The following DHRS2 variants were observed in gnomAD, a reference collection of about 807,000 sequenced individuals.
DHRS2 encodes dehydrogenase/reductase 2, also known as dehydrogenase/reductase SDR family member 2, mitochondrial.
DHRS2 carries 29 observed loss-of-function variants against 26.3 expected under a neutral mutation model. That is an observed-to-expected ratio of 1.10 (90% confidence interval 0.82 to 1.50). DHRS2 has a LOEUF of 1.50. DHRS2 is among the 40% of genes most tolerant of loss of function. The pLI is 0.00. For missense variants in DHRS2, 439 were observed against 367.1 expected, an observed-to-expected ratio of 1.20 and a Z score of -1.60; for synonymous variants, 164 against 151.3, an observed-to-expected ratio of 1.08 and a Z score of -0.62.
intron 7 of DHRS2, 139 bp downstream of exon 7, chr14:23,644,682 A>G: frequency 2.0e-6 from 3 of 1,487,634 alleles, no homozygotes; most frequent in Non-Finnish European, 1.9e-6. Flanking sequence ...GAACTCAGCC[A>G]TGGTGCAGTC....
chr14:23,640,870 G>A (rs1375690872), intron 4 of DHRS2: 1 of 152,226 alleles, frequency 6.6e-6, no homozygotes, highest in Non-Finnish European at 1.5e-5. Context: ...GCCTCCAAAG[G>A]ATCATTTGTG....
Position 23,644,997 on chromosome 14 carries a change from A to G in DHRS2, c.731+115A>G, listed in dbSNP as rs149910201. The G allele has an allele frequency of 2.9e-4, 458 of 1,558,076 alleles. 2 individuals are homozygous for G. In the African/African-American group the frequency reaches 5.7e-3, roughly 20 times the overall value. ...GGCCATTGTTTTTGCTGAAATCTGG[A>G]GTCCACATGGCCCTGGAGGGTGCAA... On this transcript the variant is annotated intron_variant, in intron 8 of 8. Coordinates refer to ENST00000250383, the MANE Select transcript of DHRS2 (RefSeq NM_005794.4).
At position 23,639,654 on chromosome 14, in the gene DHRS2, G is replaced by A. The variant is rs1890543529; in HGVS notation, c.319-140G>A. 5 of 976,044 alleles carry A rather than the reference G, an allele frequency of 5.1e-6. 1 individual carries two copies. In the South Asian group the frequency reaches 1.1e-4, roughly 21 times the overall value. 60.5% of individuals were successfully genotyped at this position (976,044 alleles called of 1,614,324 possible). On this transcript the variant is annotated intron_variant, in intron 3 of 8. Coordinates refer to ENST00000250383, the MANE Select transcript of DHRS2 (RefSeq NM_005794.4). ...TTCCTCTCTCAGTGCCTGGCCCCAGGAGCCTGCCCTTGGGACACCTAGGTC... is the reference window on the plus strand; with the variant it reads ...TTCCTCTCTCAGTGCCTGGCCCCAGAAGCCTGCCCTTGGGACACCTAGGTC...
rs1292037461 is a variant in DHRS2, at chr14:23,644,169, G to A, written c.540+7G>A. The A allele has an allele frequency of 6.2e-7, 1 of 1,614,132 alleles. No homozygotes were observed. Among genetic ancestry groups the A allele is most frequent in the East Asian group, 2.2e-5 (1 of 44,870 alleles). Reference sequence around the variant, plus strand: ...AGCTTATAATCCAGTAGTGGTAAGTGCTTGGTCCTTGTGCTCCTGAGTGGT... The same window carrying A: ...AGCTTATAATCCAGTAGTGGTAAGTACTTGGTCCTTGTGCTCCTGAGTGGT... On this transcript the variant is annotated splice_region_variant and intron_variant, in intron 6 of 8. Coordinates refer to ENST00000250383, the MANE Select transcript of DHRS2 (RefSeq NM_005794.4).
Position 23,640,138 on chromosome 14 carries a change from T to C in DHRS2, c.420+243T>C, listed in dbSNP as rs189027686. 5 of 714,220 alleles carry C rather than the reference T, an allele frequency of 7.0e-6. No homozygotes were observed. In the Admixed American group the frequency reaches 1.5e-4, roughly 21 times the overall value. 44.2% of individuals were successfully genotyped at this position (714,220 alleles called of 1,614,324 possible). ...TTTGTTTTCTCTTCTCATCACTTTT[T>C]CATTTAATCATTCAGCAGGTATTTA... On this transcript the variant is annotated intron_variant, in intron 4 of 8. Coordinates refer to ENST00000250383, the MANE Select transcript of DHRS2 (RefSeq NM_005794.4).
At chr14:23,639,415 C>G (rs984805511) in intron 3 of DHRS2, 59 bp downstream of exon 3, 5 of 1,493,758 alleles carry the variant, frequency 3.3e-6, no homozygotes, top group Non-Finnish European at 3.6e-6. Flanking sequence ...CTTTCCTTCA[C>G]TGCTTGGCCC....
chr14:23,640,577 C>G, intron 4 of DHRS2: 1 of 323,214 alleles, frequency 3.1e-6, no homozygotes, highest in Non-Finnish European at 4.5e-6. Flanking sequence ...GTTCTCTCTG[C>G]CAGAATGCGT....
upstream of DHRS2, among the ~76,000 whole-genome samples, chr14:23,634,197 A>G (rs1890202957): frequency 6.6e-6 from 1 of 150,406 alleles, no homozygotes; most frequent in South Asian, 2.1e-4. Context: ...TCTCCCAAGT[A>G]GCTGGGACTA....
chr14:23,640,919 C>T (rs1890630343), intron 4 of DHRS2: 1 of 152,272 alleles, frequency 6.6e-6, no homozygotes, highest in Non-Finnish European at 1.5e-5. Context: ...AGTCTCCTAA[C>T]CCTCCTGAAT....
Position 23,644,458 on chromosome 14 carries a change from G to A in DHRS2, c.590G>A (p.Arg197Lys). 1 of 1,614,214 alleles carries A rather than the reference G, an allele frequency of 6.2e-7. No homozygotes were observed. Among genetic ancestry groups the A allele is most frequent in the Non-Finnish European group, 8.5e-7 (1 of 1,180,038 alleles). The change falls in exon 7 of 9, where the codon AGA (arginine) becomes AAA (lysine). Residue 197 changes from arginine to lysine, a missense_variant. Physicochemically the swap from Arg to Lys is conservative, Grantham distance 26. Coordinates refer to ENST00000250383, the MANE Select transcript of DHRS2 (RefSeq NM_005794.4). ...VSKTALLGLT[R>K]TLALELAPKD... The stretch of plus-strand genomic sequence containing the variant: ...AAGACAGCGCTGCTGGGTCTCACTA[G>A]AACACTGGCATTGGAGCTGGCCCCC...
rs745644304 is a variant in DHRS2, at chr14:23,644,416, G to T, written c.548G>T (p.Gly183Val). The stretch of plus-strand genomic sequence containing the variant: ...TGTCAATTCCCTTCCCAGGCGCTGG[G>T]TGTCTACAATGTCAGCAAGACAGCG... ...IAAYNPVVALGVYNVSKTALL... is the reference protein window; with the variant it reads ...IAAYNPVVALVVYNVSKTALL... Residue 183 changes from glycine (G) to valine (V), a missense_variant, in exon 7 of 9, where the codon GGT (glycine) becomes GTT (valine). Physicochemically the swap from Gly to Val is moderately radical, Grantham distance 109. Coordinates refer to ENST00000250383, the MANE Select transcript of DHRS2 (RefSeq NM_005794.4). 6.8e-6 allele frequency: 11 copies of T among 1,614,006 alleles called. No individual in the cohort carries two copies. The highest frequency in any genetic ancestry group is 1.6e-4 in the Middle Eastern group (1 of 6,084).
chr14:23,641,958 C>T (rs1325450591), intron 4 of DHRS2: 2 of 1,154,352 alleles, frequency 1.7e-6, no homozygotes, highest in Admixed American at 4.3e-5. Context: ...GTCAGTCCCA[C>T]CTGGCACTGC....
intron 4 of DHRS2, chr14:23,641,828 G>A: frequency 2.2e-5 from 28 of 1,260,100 alleles, no homozygotes; most frequent in Non-Finnish European, 2.9e-5. Context: ...TGAGATTGGG[G>A]GGTGGAAAAA....
intron 6 of DHRS2, 66 bp downstream of exon 6, chr14:23,644,228 G>T: frequency 1.3e-6 from 2 of 1,589,410 alleles, no homozygotes; most frequent in Non-Finnish European, 1.7e-6. Flanking sequence ...CTTTTCCTCA[G>T]AGCCTTACAG....
At chr14:23,642,178 G>T in intron 4 of DHRS2, 1 of 1,020,870 alleles carries the variant, frequency 9.8e-7, no homozygotes, top group Non-Finnish European at 1.2e-6. Flanking sequence ...TGTATTGGCT[G>T]CAGGAAAGCT....
Position 23,645,406 on chromosome 14 carries a change from C to T in DHRS2, c.*153C>T, listed in dbSNP as rs182055594. 235 of 1,489,698 alleles carry T rather than the reference C, an allele frequency of 1.6e-4. No individual in the cohort carries two copies. In the East Asian group the frequency reaches 2.2e-3, roughly 14 times the overall value. The allele number at this position is 1,489,698 out of a possible 1,614,324, so 92.3% of individuals were successfully genotyped here. A position where few individuals can be genotyped will look rare whatever the true frequency, so the allele number is the denominator to read the frequency against. ...TGCTAGGCTTGAGGAAGAAGAAAAACGCTTCGGCATTCTCCTTAGGACTTA... is the reference window on the plus strand; with the variant it reads ...TGCTAGGCTTGAGGAAGAAGAAAAATGCTTCGGCATTCTCCTTAGGACTTA... On this transcript the variant is annotated 3_prime_UTR_variant, in exon 9 of 9. Coordinates refer to ENST00000250383, the MANE Select transcript of DHRS2 (RefSeq NM_005794.4).
Position 23,645,178 on chromosome 14 carries a change from C to T in DHRS2, c.768C>T (p.Ser256=), listed in dbSNP as rs968475528. The change falls in exon 9 of 9, where the codon TCC becomes TCT. Residue 256 remains serine (S), a synonymous_variant. Transcript: ENST00000250383. ...GESEDCAGIV[S]FLCSPDASYV... Reference sequence around the variant, plus strand: ...CAGAGGACTGTGCAGGAATCGTGTCCTTCCTGTGCTCTCCAGATGCCAGCT... The same window carrying T: ...CAGAGGACTGTGCAGGAATCGTGTCTTTCCTGTGCTCTCCAGATGCCAGCT... 8 of 1,614,046 alleles carry T rather than the reference C, an allele frequency of 5.0e-6. No individual in the cohort carries two copies. Among genetic ancestry groups the T allele is most frequent in the South Asian group, 4.4e-5 (4 of 91,086 alleles).
At chr14:23,643,105 G>A (rs371180379) in intron 4 of DHRS2, 47 bp from the exon 5 acceptor site, 54 of 1,601,298 alleles carry the variant, frequency 3.4e-5, no homozygotes, top group Non-Finnish European at 4.5e-5. Flanking sequence ...CAGGACTTGG[G>A]CTGACCATGT....
Position 23,643,233 on chromosome 14 carries a change from G to A in DHRS2, c.488+14G>A. 6.2e-7 allele frequency: 1 copy of A among 1,613,584 alleles called. No homozygotes were observed. The highest frequency in any genetic ancestry group is 8.5e-7 in the Non-Finnish European group (1 of 1,179,866). On this transcript the variant is annotated intron_variant, in intron 5 of 8. Transcript: ENST00000250383. ...CATGGAGAACAGGTATGGCAGGGCG[G>A]GGGTGGGGACCAGTCGGAGTTGGGG...
Sources: allele counts gnomAD v4.1 joint callset (sites outside exome capture counted in the v4.1 genomes callset), GRCh38; gene constraint gnomAD v4.1.1; transcripts MANE v1.5; gene names NCBI Gene and HGNC (gene_info 2026-07-23, HGNC 2026-07-21).